Variants in RABGAP1L observed in about 807,000 individuals in gnomAD.
RABGAP1L encodes RAB GTPase activating protein 1 like, also known as rab GTPase-activating protein 1-like.
Under a neutral mutation model 137.7 loss-of-function variants are expected in RABGAP1L, and 63 were observed. The observed-to-expected ratio is 0.46, with a 90% CI of 0.37 to 0.56. RABGAP1L has a LOEUF of 0.56. Ranked by LOEUF, RABGAP1L falls within the 20% of genes least tolerant of loss-of-function variation. The pLI, the probability that RABGAP1L is intolerant of heterozygous loss-of-function variation, is 0.00. For missense variants in RABGAP1L, 1,095 were observed against 1,244.0 expected, an observed-to-expected ratio of 0.88 and a Z score of 1.80; for synonymous variants, 431 against 433.7, an observed-to-expected ratio of 0.99 and a Z score of 0.08.
intron 19 of RABGAP1L, chr1:174,877,486 G>T: frequency 3.1e-6 from 5 of 1,614,108 alleles, no homozygotes; most frequent in Non-Finnish European, 3.4e-6. Context: ...GGAAAGGCCA[G>T]CTGGCAAGAT....
rs112695379 is a variant in RABGAP1L, at chr1:174,853,600, G to A, written c.2340+41640G>A. 1.4e-3 allele frequency among the ~76,000 whole-genome samples: 213 copies of A among 152,148 alleles called. 1 individual carries two copies. Among genetic ancestry groups the A allele is most frequent in the Non-Finnish European group, 2.1e-3 (143 of 67,982 alleles). ...CAAAAAATTAGCCAGGCATGGTGGCGCACACCTGTAGTCCCAGCTACTCGG... is the reference window on the plus strand; with the variant it reads ...CAAAAAATTAGCCAGGCATGGTGGCACACACCTGTAGTCCCAGCTACTCGG... On this transcript the variant is annotated intron_variant, in intron 19 of 25. Coordinates refer to ENST00000681986, the MANE Select transcript of RABGAP1L (RefSeq NM_001366446.1).
intron 5 of RABGAP1L, 91 bp from the exon 6 acceptor site, chr1:174,250,384 G>A: frequency 1.1e-6 from 1 of 940,522 alleles, no homozygotes; most frequent in Non-Finnish European, 1.5e-6. Flanking sequence ...AAATTGTCAT[G>A]GAAAATTGTA....
chr1:174,327,980 C>CGTATATATATATATAT (rs1680618158), intron 11 of RABGAP1L, among the ~76,000 whole-genome samples: 28 of 105,904 alleles, frequency 2.6e-4, no homozygotes, highest in African/African-American at 1.2e-3. Context: ...TATATATATA[C>CGTATATATATATATAT]ACACACATAT....
In RABGAP1L at chr1:174,856,397, T is replaced by TAA. The variant is rs150232187; in HGVS notation, c.2340+44452_2340+44453dup. Reference sequence around the variant, plus strand: ...GTGACAGAACAAGACTCCCTCTCAATAAAAAAAAAAAAAAAAGAAAAGAAA... The same window carrying TAA: ...GTGACAGAACAAGACTCCCTCTCAATAAAAAAAAAAAAAAAAAAGAAAAGAAA... On this transcript the variant is annotated intron_variant, in intron 19 of 25. Coordinates refer to ENST00000681986, the MANE Select transcript of RABGAP1L (RefSeq NM_001366446.1). 6.3e-3 allele frequency among the ~76,000 whole-genome samples: 724 copies of TAA among 115,230 alleles called. 7 individuals are homozygous for TAA. Among genetic ancestry groups the TAA allele is most frequent in the African/African-American group, 0.019 (683 of 36,708 alleles). 75.6% of individuals were successfully genotyped at this position (115,230 alleles called of 152,430 possible).
At chr1:174,883,231 T>A (rs1169650461) in intron 19 of RABGAP1L, among the ~76,000 whole-genome samples, 4 of 152,338 alleles carry the variant, frequency 2.6e-5, no homozygotes, top group East Asian at 1.9e-4. Flanking sequence ...ATCTGAAAAC[T>A]GAGAGACATA....
chr1:174,709,084 G>A (rs964840206), intron 17 of RABGAP1L, among the ~76,000 whole-genome samples: 4 of 152,174 alleles, frequency 2.6e-5, no homozygotes, highest in African/African-American at 9.6e-5. Context: ...GGAACCCACC[G>A]CAGTGCAGCA....
intron 11 of RABGAP1L, among the ~76,000 whole-genome samples, chr1:174,347,283 G>A (rs755069419): frequency 3.9e-5 from 6 of 152,084 alleles, no homozygotes; most frequent in Non-Finnish European, 8.8e-5. Context: ...CTTTCTGTGT[G>A]GATGATCTGT....
chr1:174,848,985 G>A (rs1291242492), intron 19 of RABGAP1L, among the ~76,000 whole-genome samples: 3 of 152,036 alleles, frequency 2.0e-5, no homozygotes, highest in African/African-American at 4.8e-5. Context: ...GGAGTGACCC[G>A]ATTTTCCAGG....
chr1:174,862,124 A>G lies in RABGAP1L; in HGVS notation c.2340+50164A>G, dbSNP rs1461998807. ...ATTTCACGTTAATGTTTGTTATGGT[A>G]TAAGATAAGGGTCCAGTTTCATTCT... On this transcript the variant is annotated intron_variant, in intron 19 of 25. Coordinates refer to ENST00000681986, the MANE Select transcript of RABGAP1L (RefSeq NM_001366446.1). Among the ~76,000 whole-genome samples, 3 of 152,200 alleles carry G rather than the reference A, an allele frequency of 2.0e-5. No individual in the cohort carries two copies. In the East Asian group the frequency reaches 5.8e-4, roughly 29 times the overall value.
chr1:174,481,889 A>G (rs1344347346), intron 13 of RABGAP1L, among the ~76,000 whole-genome samples: 1 of 148,622 alleles, frequency 6.7e-6, no homozygotes, highest in Non-Finnish European at 1.5e-5. Context: ...AATAAAAAAA[A>G]AAAGAAAAAA....
intron 13 of RABGAP1L, among the ~76,000 whole-genome samples, chr1:174,564,007 C>T (rs1200585792): frequency 6.6e-6 from 1 of 152,084 alleles, no homozygotes; most frequent in Non-Finnish European, 1.5e-5. Flanking sequence ...GTTACTCCAG[C>T]TCCTGCAAAG....
At chr1:174,191,203 C>G (rs553876945) in intron 1 of RABGAP1L, among the ~76,000 whole-genome samples, 10 of 152,270 alleles carry the variant, frequency 6.6e-5, no homozygotes, top group Admixed American at 1.3e-4. Context: ...TGTGTTTTAT[C>G]TCAGGAATGT....
chr1:174,760,067 T>C (rs1685098525), intron 18 of RABGAP1L, among the ~76,000 whole-genome samples: 1 of 152,180 alleles, frequency 6.6e-6, no homozygotes, highest in Non-Finnish European at 1.5e-5. Context: ...AGATGGTGGC[T>C]TGGATTTGAG....
intron 17 of RABGAP1L, among the ~76,000 whole-genome samples, chr1:174,722,220 G>C (rs948219481): frequency 6.6e-6 from 1 of 151,982 alleles, no homozygotes; most frequent in East Asian, 1.9e-4. Flanking sequence ...GAGCCACCGC[G>C]CCTGGCCGAT....
chr1:174,480,807 C>A (rs560137392), intron 13 of RABGAP1L, among the ~76,000 whole-genome samples: 2 of 152,298 alleles, frequency 1.3e-5, no homozygotes, highest in Non-Finnish European at 1.5e-5. Context: ...TAACATATAA[C>A]CCTTCCACGG....
At chr1:174,957,358 G>C (rs940173697) in intron 19 of RABGAP1L, 99 bp from the exon 20 acceptor site, 3 of 905,882 alleles carry the variant, frequency 3.3e-6, no homozygotes, top group Non-Finnish European at 5.3e-6. Context: ...AGTTGAGCAT[G>C]TTCCCTTAGA....
At chr1:174,326,057 T>G (rs1049626894) in intron 11 of RABGAP1L, among the ~76,000 whole-genome samples, 4 of 152,154 alleles carry the variant, frequency 2.6e-5, no homozygotes, top group African/African-American at 9.6e-5. Context: ...CAGCTCAGAT[T>G]CCTAAACAAG....
At chr1:174,188,182 C>T (rs1212251315) in intron 1 of RABGAP1L, among the ~76,000 whole-genome samples, 2 of 152,086 alleles carry the variant, frequency 1.3e-5, no homozygotes, top group Admixed American at 1.3e-4. Context: ...GGAAATTAGC[C>T]TTTCAAATTC....
intron 13 of RABGAP1L, among the ~76,000 whole-genome samples, chr1:174,471,988 C>A (rs1476880003): frequency 6.6e-6 from 1 of 152,070 alleles, no homozygotes; most frequent in African/African-American, 2.4e-5. Flanking sequence ...TGTGAAGACA[C>A]AATGGAGAAG....
Sources: allele counts gnomAD v4.1 joint callset (sites outside exome capture counted in the v4.1 genomes callset), GRCh38; gene constraint gnomAD v4.1.1; transcripts MANE v1.5; gene names NCBI Gene and HGNC (gene_info 2026-07-23, HGNC 2026-07-21).